Variants in L3MBTL4 observed in about 807,000 individuals in gnomAD.
The protein encoded by L3MBTL4 is lethal(3)malignant brain tumor-like protein 4.
Under a neutral mutation model 84.5 loss-of-function variants are expected in L3MBTL4, and 70 were observed. That is an observed-to-expected ratio of 0.83 (90% CI 0.68 to 1.01). L3MBTL4 has a LOEUF of 1.01. L3MBTL4 is among the 50% of genes least tolerant of loss of function. The pLI is 0.00. For synonymous variants in L3MBTL4, 274 were observed against 259.8 expected (o/e 1.05, Z -0.52); for missense variants, 715 against 754.8 (o/e 0.95, Z 0.62).
intron 16 of L3MBTL4, among the ~76,000 whole-genome samples, chr18:6,072,405 T>C (rs1471130529): frequency 1.3e-5 from 2 of 152,120 alleles, no homozygotes; most frequent in Non-Finnish European, 2.9e-5. Flanking sequence ...TATTTCTTCA[T>C]ACCACATATA....
chr18:6,208,379 G>C (rs897803462), intron 12 of L3MBTL4, among the ~76,000 whole-genome samples: 1 of 152,184 alleles, frequency 6.6e-6, no homozygotes, highest in Non-Finnish European at 1.5e-5. Flanking sequence ...TCTTGGTCAT[G>C]ATGCTCTAAT....
In L3MBTL4 at chr18:5,982,816, T is replaced by C. The variant is rs181748226; in HGVS notation, c.1445-13254A>G. ...TACCCTGAAATTAATTAATTTACTA[T>C]GTTTTCCCATTTATGTGAATAGGCC... On this transcript the variant is annotated intron_variant, in intron 16 of 18. Transcript: ENST00000317931. Among the ~76,000 whole-genome samples, 711 of 152,364 alleles carry C rather than the reference T, an allele frequency of 4.7e-3. 7 individuals carry two copies. The highest frequency in any genetic ancestry group is 8.0e-3 in the Non-Finnish European group (542 of 68,036).
At chr18:6,182,841 A>C (rs1300322425) in intron 12 of L3MBTL4, among the ~76,000 whole-genome samples, 1 of 152,196 alleles carries the variant, frequency 6.6e-6, no homozygotes, top group Non-Finnish European at 1.5e-5. Context: ...TAGGGTTATC[A>C]ACTGACTTTG....
intron 12 of L3MBTL4, among the ~76,000 whole-genome samples, chr18:6,211,423 AGAACAATAT>A (rs1365344374): frequency 6.6e-6 from 1 of 152,208 alleles, no homozygotes; most frequent in Non-Finnish European, 1.5e-5. Flanking sequence ...AGAGAATAAC[AGAACAATAT>A]GAACAATATG....
At chr18:6,290,235 T>C (rs2049794281) in intron 4 of L3MBTL4, among the ~76,000 whole-genome samples, 1 of 151,808 alleles carries the variant, frequency 6.6e-6, no homozygotes, top group Non-Finnish European at 1.5e-5. Context: ...GTTACCTAAA[T>C]GAGCTTCCTA....
intron 14 of L3MBTL4, among the ~76,000 whole-genome samples, chr18:6,098,049 T>A (rs72874046): frequency 0.043 from 6,573 of 152,254 alleles, 179 homozygotes; most frequent in South Asian, 0.1. Flanking sequence ...AGATGGTGAT[T>A]ACTGTTGCCA....
intron 1 of L3MBTL4, among the ~76,000 whole-genome samples, chr18:6,357,446 T>G (rs1016004692): frequency 6.6e-6 from 1 of 152,160 alleles, no homozygotes; most frequent in African/African-American, 2.4e-5. Flanking sequence ...TTTGGTATCT[T>G]TTCTATAAAA....
At chr18:6,380,160 G>A (rs1053967822) in intron 1 of L3MBTL4, among the ~76,000 whole-genome samples, 1 of 152,238 alleles carries the variant, frequency 6.6e-6, no homozygotes, top group Admixed American at 6.5e-5. Context: ...GATCAGTGGT[G>A]ATATTCCCTA....
chr18:6,295,346 C>CTCTCTCTATATA (rs1261475809), intron 4 of L3MBTL4, among the ~76,000 whole-genome samples: 8 of 81,388 alleles, frequency 9.8e-5, no homozygotes, highest in African/African-American at 3.3e-4. Context: ...CTCTCTCTCT[C>CTCTCTCTATATA]TATATATATA....
chr18:6,341,659 AT>A (rs1568521624), intron 1 of L3MBTL4, among the ~76,000 whole-genome samples: 1 of 152,074 alleles, frequency 6.6e-6, no homozygotes, highest in African/African-American at 2.4e-5. Context: ...GTGAACAAAC[AT>A]AGAAATTATA....
chr18:5,991,646 A>C (rs1437581101), intron 16 of L3MBTL4, among the ~76,000 whole-genome samples: 2 of 152,214 alleles, frequency 1.3e-5, no homozygotes, highest in East Asian at 3.8e-4. Flanking sequence ...CCGTGTCAAG[A>C]TTTTTAAAAA....
At chr18:6,345,215 C>CAAAAAAAAAAA (rs35502624) in intron 1 of L3MBTL4, among the ~76,000 whole-genome samples, 147 of 38,088 alleles carry the variant, frequency 3.9e-3, no homozygotes, top group Middle Eastern at 0.017. Context: ...TACTAAAATA[C>CAAAAAAAAAAA]AAAAAAAAAA....
intron 1 of L3MBTL4, among the ~76,000 whole-genome samples, chr18:6,325,094 A>G (rs779809012): frequency 6.6e-6 from 1 of 152,196 alleles, no homozygotes; most frequent in African/African-American, 2.4e-5. Context: ...AAAGCAACTC[A>G]GCATGAACTT....
At chr18:6,275,832 G>A (rs2146524142) in intron 4 of L3MBTL4, among the ~76,000 whole-genome samples, 1 of 152,304 alleles carries the variant, frequency 6.6e-6, no homozygotes, top group East Asian at 1.9e-4. Context: ...CACTTATTAA[G>A]TACTGTGAAA....
chr18:6,009,886 T>G (rs1250053325), intron 16 of L3MBTL4, among the ~76,000 whole-genome samples: 1 of 150,082 alleles, frequency 6.7e-6, no homozygotes, highest in East Asian at 2.0e-4. Context: ...TTCTATTCTA[T>G]TTAGCCTTAA....
At chr18:6,264,589 G>T (rs8083364) in intron 4 of L3MBTL4, among the ~76,000 whole-genome samples, 1 of 152,108 alleles carries the variant, frequency 6.6e-6, no homozygotes, top group Non-Finnish European at 1.5e-5. Flanking sequence ...TTTGAGACCC[G>T]CCTGGCCAAT....
At position 6,263,970 on chromosome 18, in the gene L3MBTL4, C is replaced by T. The variant is rs746896110; in HGVS notation, c.196G>A (p.Ala66Thr). The T allele has an allele frequency of 2.5e-6, 4 of 1,613,856 alleles. No homozygotes were observed. Among genetic ancestry groups the T allele is most frequent in the South Asian group, 2.2e-5 (2 of 91,078 alleles). The change falls in exon 5 of 19, where the codon GCA (alanine) becomes ACA (threonine). Residue 66 changes from alanine to threonine, a missense_variant. Ala to Thr is a moderately conservative substitution (Grantham distance 58). Transcript: ENST00000317931. ...WYLKEQKAVAAPVELFSKDQS... is the reference protein window; with the variant it reads ...WYLKEQKAVATPVELFSKDQS... The stretch of plus-strand genomic sequence containing the variant: ...ACCTTGGAAAACAGCTCAACAGGTG[C>T]TGCGACAGCCTTCTGTTCTTTCAAG...
intron 16 of L3MBTL4, among the ~76,000 whole-genome samples, chr18:6,072,865 C>CAAAAAAAA (rs71370542): frequency 9.8e-4 from 3 of 3,066 alleles, no homozygotes; most frequent in Non-Finnish European, 1.1e-3. Flanking sequence ...GACTCCGTCT[C>CAAAAAAAA]AAAAAAAAAA....
At chr18:6,306,747 C>T (rs917602570) in intron 3 of L3MBTL4, among the ~76,000 whole-genome samples, 1 of 152,168 alleles carries the variant, frequency 6.6e-6, no homozygotes, top group Non-Finnish European at 1.5e-5. Flanking sequence ...TCTAATTGCA[C>T]AGCAAACCTT....
Sources: allele counts gnomAD v4.1 joint callset (sites outside exome capture counted in the v4.1 genomes callset), GRCh38; gene constraint gnomAD v4.1.1; transcripts MANE v1.5; gene names NCBI Gene and HGNC (gene_info 2026-07-23, HGNC 2026-07-21).